Variants in MICA observed in about 807,000 individuals in gnomAD.
The protein encoded by MICA is HLA class I antigen.
A neutral mutation model predicts 34.3 loss-of-function variants in MICA; 18 were observed. That is an observed-to-expected ratio of 0.52 (90% CI 0.36 to 0.78). MICA has a LOEUF of 0.78. Ranked by LOEUF, MICA falls within the 30% of genes least tolerant of loss-of-function variation. The probability of loss-of-function intolerance (pLI) is 0.00; values close to 1 mark genes in which losing one functional copy is unlikely to be tolerated. For missense variants in MICA, 333 were observed against 409.4 expected, an observed-to-expected ratio of 0.81 and a Z score of 1.61; for synonymous variants, 135 against 156.9, an observed-to-expected ratio of 0.86 and a Z score of 1.04.
chr6:31,411,977 A>T lies in MICA; in HGVS notation c.644A>T (p.Glu215Val). The T allele has an allele frequency of 6.2e-7, 1 of 1,612,892 alleles. No individual in the cohort carries two copies. The highest frequency in any genetic ancestry group is 8.5e-7 in the Non-Finnish European group (1 of 1,179,704). Residue 215 changes from glutamate to valine, a missense_variant, in exon 4 of 6, where the codon GAG (glutamate) becomes GTG (valine). Physicochemically the swap from Glu to Val is moderately radical, Grantham distance 121. Transcript: ENST00000449934. This position sits in a 1 kb window ranked among gnomAD's most constrained non-coding sequence, Gnocchi z 4.3. ...CCCATGGTGAATGTCACCCGCAGCG[A>T]GGCCTCAGAGGGCAACATCACCGTG... ...VPPMVNVTRS[E>V]ASEGNITVTC...
Position 31,411,868 on chromosome 6 carries a change from AG to A in MICA, c.614-78del. 3 of 1,534,482 alleles carry A rather than the reference AG, an allele frequency of 2.0e-6. No individual in the cohort carries two copies. Among genetic ancestry groups the A allele is most frequent in the Non-Finnish European group, 2.6e-6 (3 of 1,142,018 alleles). On this transcript the variant is annotated intron_variant, in intron 3 of 5. Coordinates refer to ENST00000449934, the MANE Select transcript of MICA (RefSeq NM_001177519.3). The surrounding 1 kb of genome is among the most constrained non-coding windows in gnomAD (Gnocchi z 4.3). ...GGAGGGCTTCAGCCAGAGTGAGAAC[AG>A]TGAAGAGAAACAGCCCTGTTCCTCT...
At chr6:31,404,236 G>T (rs530514730) in intron 1 of MICA, among the ~76,000 whole-genome samples, 1 of 151,612 alleles carries the variant, frequency 6.6e-6, no homozygotes. Flanking sequence ...ACTGTGGGGG[G>T]TCCTGACTCT....
Position 31,410,476 on chromosome 6 carries a change from G to A in MICA, c.71-67G>A, listed in dbSNP as rs1343262511. ...CCAGGAAGGTTGGGACAGCAGACCT[G>A]TGTGTTAAACATCAATGTGAAGTTA... On this transcript the variant is annotated intron_variant, in intron 1 of 5. Coordinates refer to ENST00000449934, the MANE Select transcript of MICA (RefSeq NM_001177519.3). The A allele has an allele frequency of 1.9e-6, 3 of 1,574,194 alleles. No individual in the cohort carries two copies. The African/African-American group carries it at 4.1e-5, about 21-fold the overall frequency.
rs1051799 is a variant in MICA, at chr6:31,412,046, C to G, written c.713C>G (p.Thr238Ser). The G allele has an allele frequency of 0.29, 468,756 of 1,605,282 alleles. 73,805 individuals carry two copies. Among genetic ancestry groups the G allele is most frequent in the African/African-American group, 0.45 (33,587 of 74,514 alleles). The change falls in exon 4 of 6, where the codon ACC becomes AGC. Residue 238 changes from threonine (T) to serine (S), a missense_variant. Thr to Ser is a moderately conservative substitution (Grantham distance 58). Coordinates refer to ENST00000449934, the MANE Select transcript of MICA (RefSeq NM_001177519.3). ...SSFYPRNIILTWRQDGVSLSH... is the reference protein window; with the variant it reads ...SSFYPRNIILSWRQDGVSLSH... The stretch of plus-strand genomic sequence containing the variant: ...TTCTATCCCCGGAATATCATACTGA[C>G]CTGGCGTCAGGATGGGGTATCTTTG...
chr6:31,412,408 T>G lies in MICA; in HGVS notation c.976T>G (p.Tyr326Asp). ...TGGCTGCTGCTATTTTTGTTATTAT[T>G]ATTTTCTATGTCCGTTGTTGTAAGA... Reference protein sequence around the residue: ...AAGCCYFCYYYFLCPLL With the variant: ...AAGCCYFCYYDFLCPLL Residue 326 changes from tyrosine (Y) to aspartate (D), a missense_variant, in exon 5 of 6, where the codon TAT becomes GAT. Coordinates refer to ENST00000449934, the MANE Select transcript of MICA (RefSeq NM_001177519.3). 1.3e-6 allele frequency: 2 copies of G among 1,570,386 alleles called. No individual in the cohort carries two copies. Among genetic ancestry groups the G allele is most frequent in the Non-Finnish European group, 1.7e-6 (2 of 1,157,592 alleles).
Position 31,403,669 on chromosome 6 carries a change from A to G in MICA, c.37A>G (p.Ile13Val). 6.5e-7 allele frequency: 1 copy of G among 1,533,422 alleles called. No individual in the cohort carries two copies. Among genetic ancestry groups the G allele is most frequent in the Non-Finnish European group, 8.8e-7 (1 of 1,140,526 alleles). 95.0% of individuals were successfully genotyped at this position (1,533,422 alleles called of 1,614,324 possible). ...LGPVFLLLAG[I>V]FPFAPPGAAA... ...CCCGGTCTTTCTGCTTCTGGCTGGC[A>G]TCTTCCCTTTTGCACCTCCGGGAGC... is the stretch of plus-strand genomic sequence containing the variant. Residue 13 changes from isoleucine (I) to valine (V), a missense_variant, in exon 1 of 6, where the codon ATC becomes GTC. Ile to Val is a conservative substitution (Grantham distance 29). Coordinates refer to ENST00000449934, the MANE Select transcript of MICA (RefSeq NM_001177519.3). The surrounding 1 kb of genome is among the most constrained non-coding windows in gnomAD (Gnocchi z 4.7).
chr6:31,404,660 A>T lies in MICA; in HGVS notation c.70+958A>T, dbSNP rs573393071. ...CTCTAACTTTCTGGTGCTGCCTTTT[A>T]TCCGGGGGGGTCTTCCCTCCATCCC... On this transcript the variant is annotated intron_variant, in intron 1 of 5. Coordinates refer to ENST00000449934, the MANE Select transcript of MICA (RefSeq NM_001177519.3). Among the ~76,000 whole-genome samples the T allele has an allele frequency of 1.4e-4, 22 of 151,760 alleles. 1 individual carries two copies. Among genetic ancestry groups the T allele is most frequent in the East Asian group, 1.2e-3 (6 of 5,128 alleles).
At position 31,415,001 on chromosome 6, in the gene MICA, C is replaced by T. The variant is rs779357598; in HGVS notation, c.*30-11C>T. On this transcript the variant is annotated splice_polypyrimidine_tract_variant and intron_variant, in intron 5 of 5. Coordinates refer to ENST00000449934, the MANE Select transcript of MICA (RefSeq NM_001177519.3). ...CAGTGGAGCATTTACCCATTTCCCT[C>T]TTTTCTCCAGAGCTCGTGAGCCTGC... is the stretch of plus-strand genomic sequence containing the variant. The T allele has an allele frequency of 4.7e-6, 7 of 1,486,248 alleles. No individual in the cohort carries two copies. Among genetic ancestry groups the T allele is most frequent in the Non-Finnish European group, 6.5e-6 (7 of 1,074,534 alleles). The allele number at this position is 1,486,248 out of a possible 1,614,324, so 92.1% of individuals were successfully genotyped here. A position where few individuals can be genotyped will look rare whatever the true frequency, so the allele number is the denominator to read the frequency against.
rs575828826 is a variant in MICA, at chr6:31,408,636, C to T, written c.71-1907C>T. On this transcript the variant is annotated intron_variant, in intron 1 of 5. Transcript: ENST00000449934. ...CTACTTTTTGTTTCTATGAATTTGA[C>T]CACTCTAGGTACCTCATTTAAGCAG... Among the ~76,000 whole-genome samples the T allele has an allele frequency of 2.0e-3, 305 of 151,920 alleles. 4 individuals carry two copies. The highest frequency in any genetic ancestry group is 0.01 in the Middle Eastern group (3 of 292).
chr6:31,408,176 G>C (rs780993367), intron 1 of MICA, among the ~76,000 whole-genome samples: 3 of 151,824 alleles, frequency 2.0e-5, no homozygotes, highest in Non-Finnish European at 4.4e-5. Context: ...AATCATCCTT[G>C]CATACCTGGA....
chr6:31,412,254 C>A (rs759765676), intron 4 of MICA, 29 bp downstream of exon 4: 21 of 1,606,030 alleles, frequency 1.3e-5, no homozygotes, highest in Admixed American at 5.1e-5. Flanking sequence ...TGGAGAGGGT[C>A]AGGCCAGGGT....
chr6:31,408,187 A>G (rs1770848668), intron 1 of MICA, among the ~76,000 whole-genome samples: 1 of 151,990 alleles, frequency 6.6e-6, no homozygotes, highest in Non-Finnish European at 1.5e-5. Context: ...CATACCTGGA[A>G]TACATTCCAC....
chr6:31,406,554 A>C (rs897674656), intron 1 of MICA, among the ~76,000 whole-genome samples: 3 of 151,416 alleles, frequency 2.0e-5, no homozygotes, highest in Non-Finnish European at 4.4e-5. Flanking sequence ...AAGCCTTTTT[A>C]CTTGATATGA....
At chr6:31,412,703 G>T in intron 5 of MICA, among the ~76,000 whole-genome samples, 1 of 151,928 alleles carries the variant, frequency 6.6e-6, no homozygotes, top group East Asian at 1.9e-4. Context: ...GGGCAGCAGG[G>T]AGGGCTGCGG....
chr6:31,401,187 C>T (rs2844521), upstream of MICA, among the ~76,000 whole-genome samples: 61,948 of 151,126 alleles, frequency 0.41, 13,637 homozygotes, highest in African/African-American at 0.52. Context: ...CATCTCCCTC[C>T]CAGTCTCTCA....
upstream of MICA, chr6:31,403,568 A>C: frequency 7.4e-7 from 1 of 1,356,768 alleles, no homozygotes. This position sits in a 1 kb window ranked among gnomAD's most constrained non-coding sequence, Gnocchi z 4.7. Context: ...CAGGTGACTA[A>C]GTTTCCGCGG....
At chr6:31,412,283 T>C in intron 4 of MICA, 42 bp from the exon 5 acceptor site, 2 of 1,605,634 alleles carry the variant, frequency 1.2e-6, no homozygotes, top group Non-Finnish European at 1.7e-6. Context: ...CAGGGATGGC[T>C]GTGGCTCTCT....
Position 31,410,490 on chromosome 6 carries a change from A to G in MICA, c.71-53A>G, listed in dbSNP as rs544432357. 11 of 1,590,246 alleles carry G rather than the reference A, an allele frequency of 6.9e-6. No homozygotes were observed. In the African/African-American group the frequency reaches 1.5e-4, roughly 21 times the overall value. On this transcript the variant is annotated intron_variant, in intron 1 of 5. Transcript: ENST00000449934. The stretch of plus-strand genomic sequence containing the variant: ...ACAGCAGACCTGTGTGTTAAACATC[A>G]ATGTGAAGTTACTTCCAGGAAGAAG...
At chr6:31,414,430 G>A (rs1427713687) in intron 5 of MICA, among the ~76,000 whole-genome samples, 5 of 152,064 alleles carry the variant, frequency 3.3e-5, no homozygotes. Flanking sequence ...CGAGCAAGGT[G>A]GGGGTCCCAG....
Sources: allele counts gnomAD v4.1 joint callset (sites outside exome capture counted in the v4.1 genomes callset), GRCh38; gene constraint gnomAD v4.1.1; non-coding constraint Gnocchi (gnomAD v3.1); transcripts MANE v1.5; gene names NCBI Gene and HGNC (gene_info 2026-07-23, HGNC 2026-07-21).